ZNF521: variants seen among roughly 807,000 people sequenced by gnomAD.
ZNF521 encodes the protein zinc finger protein 521.
A neutral mutation model predicts 105.5 loss-of-function variants in ZNF521; 14 were observed. The observed-to-expected ratio is 0.13, with a 90% CI of 0.09 to 0.21. ZNF521 has a LOEUF of 0.21. Among genes scored for constraint, ZNF521 ranks in the 10% least tolerant of loss-of-function variants. ZNF521 has a pLI of 1.00. For synonymous variants in ZNF521, 635 were observed against 606.0 expected, an observed-to-expected ratio of 1.05 and a Z score of -0.70; for missense variants, 1,233 against 1,629.7, an observed-to-expected ratio of 0.76 and a Z score of 4.19.
intron 3 of ZNF521, among the ~76,000 whole-genome samples, chr18:25,280,547 C>T (rs911357294): frequency 5.7e-4 from 87 of 152,198 alleles, no homozygotes; most frequent in African/African-American, 2.0e-3. Context: ...GACACACACA[C>T]AAGTCAGACC....
intron 5 of ZNF521, among the ~76,000 whole-genome samples, chr18:25,119,514 A>G (rs1261509665): frequency 6.6e-6 from 1 of 152,170 alleles, no homozygotes; most frequent in Non-Finnish European, 1.5e-5. Context: ...TAACAATTAG[A>G]TATCTAGGAA....
At chr18:25,265,454 A>C (rs552158069) in intron 3 of ZNF521, among the ~76,000 whole-genome samples, 3 of 152,174 alleles carry the variant, frequency 2.0e-5, no homozygotes, top group Admixed American at 2.0e-4. Flanking sequence ...CTGATATCAG[A>C]ACCCTCTTAG....
intron 5 of ZNF521, among the ~76,000 whole-genome samples, chr18:25,130,889 G>A (rs1404729909): frequency 6.6e-6 from 1 of 152,058 alleles, no homozygotes; most frequent in East Asian, 1.9e-4. Flanking sequence ...GCTGAAGTGG[G>A]TTATGATCAC....
intron 4 of ZNF521, among the ~76,000 whole-genome samples, chr18:25,212,539 ATATATATATATAT>A (rs776346548): frequency 1.9e-4 from 9 of 47,910 alleles, no homozygotes. Flanking sequence ...AAAAAAAAAA[ATATATATATATAT>A]ATATATATAT....
chr18:25,331,600 C>T (rs186852145), intron 2 of ZNF521, among the ~76,000 whole-genome samples: 92 of 152,304 alleles, frequency 6.0e-4, no homozygotes, highest in African/African-American at 2.0e-3. Context: ...TTTGTATTAA[C>T]GATATCATAC....
At chr18:25,092,580 T>C (rs2033769170) in intron 5 of ZNF521, among the ~76,000 whole-genome samples, 1 of 152,214 alleles carries the variant, frequency 6.6e-6, no homozygotes, top group Admixed American at 6.5e-5. Context: ...TGAAGTATCA[T>C]TAATAGGACA....
chr18:25,308,262 G>T (rs1912092806), intron 3 of ZNF521, among the ~76,000 whole-genome samples: 1 of 148,656 alleles, frequency 6.7e-6, no homozygotes, highest in African/African-American at 2.5e-5. Flanking sequence ...GGTAACTGTA[G>T]CCCTGATTGA....
At chr18:25,307,340 T>C (rs1912038619) in intron 3 of ZNF521, among the ~76,000 whole-genome samples, 1 of 152,228 alleles carries the variant, frequency 6.6e-6, no homozygotes, top group Admixed American at 6.5e-5. Flanking sequence ...TTGAACATTC[T>C]TAAACCTCTA....
At chr18:25,254,571 T>C (rs1045727487) in intron 3 of ZNF521, among the ~76,000 whole-genome samples, 1 of 152,128 alleles carries the variant, frequency 6.6e-6, no homozygotes, top group African/African-American at 2.4e-5. Context: ...GGTAATTTAC[T>C]AGATCAAGGT....
At position 25,227,194 on chromosome 18, in the gene ZNF521, T is replaced by C. The variant is rs1021240858; in HGVS notation, c.724A>G (p.Met242Val). Residue 242 changes from methionine (M) to valine (V), a missense_variant, in exon 4 of 8, where the codon ATG (methionine) becomes GTG (valine). This residue lies in a region of ZNF521 where 380 missense variants were observed against 478.0 expected (regional missense o/e 0.80). Transcript: ENST00000361524. This position sits in a 1 kb window ranked among gnomAD's most constrained non-coding sequence, Gnocchi z 5.7. Reference protein sequence around the residue: ...QSGSRMEDWKMKDTQKCSQCE... With the variant: ...QSGSRMEDWKVKDTQKCSQCE... ...TGACTGCACTTCTGAGTGTCCTTCA[T>C]CTTCCAGTCCTCCATCCTGGAACCG... is the stretch of plus-strand genomic sequence containing the variant. The C allele has an allele frequency of 6.2e-7, 1 of 1,614,164 alleles. No individual in the cohort carries two copies. The highest frequency in any genetic ancestry group is 8.5e-7 in the Non-Finnish European group (1 of 1,180,024).
At chr18:25,142,563 G>A (rs772369513) in intron 5 of ZNF521, among the ~76,000 whole-genome samples, 4 of 152,018 alleles carry the variant, frequency 2.6e-5, no homozygotes, top group Non-Finnish European at 4.4e-5. Context: ...TGATGACAAG[G>A]AGAATAGTAC....
intron 5 of ZNF521, among the ~76,000 whole-genome samples, chr18:25,163,845 A>G (rs996482130): frequency 6.6e-6 from 1 of 152,194 alleles, no homozygotes. Flanking sequence ...CCCTCGCGAC[A>G]TATCAGAAGG....
chr18:25,347,579 T>C (rs1914518500), intron 2 of ZNF521, among the ~76,000 whole-genome samples: 2 of 152,174 alleles, frequency 1.3e-5, no homozygotes, highest in Non-Finnish European at 1.5e-5. Context: ...GTACCTACTC[T>C]CAGGAGATGG....
chr18:25,183,530 T>C (rs1386737997), intron 5 of ZNF521, among the ~76,000 whole-genome samples: 3 of 152,194 alleles, frequency 2.0e-5, no homozygotes, highest in Non-Finnish European at 2.9e-5. Context: ...AAATAAGCCA[T>C]GCTACAACTG....
chr18:25,204,162 C>T (rs1279337429), intron 4 of ZNF521, among the ~76,000 whole-genome samples: 2 of 152,224 alleles, frequency 1.3e-5, no homozygotes, highest in Non-Finnish European at 2.9e-5. Flanking sequence ...TTATAAATTA[C>T]CCAGTCTCAA....
In ZNF521 at chr18:25,245,269, T is replaced by C. The variant is rs1327184369; in HGVS notation, c.221-17572A>G. Among the ~76,000 whole-genome samples, 4 of 152,296 alleles carry C rather than the reference T, an allele frequency of 2.6e-5. No individual in the cohort carries two copies. The East Asian group carries it at 7.7e-4, about 29-fold the overall frequency. ...TCGTCCTTTTTATTAATAAACTATG[T>C]TTTAGGTTGGCTGTAGGTTCACAGC... On this transcript the variant is annotated intron_variant, in intron 3 of 7. Transcript: ENST00000361524.
intron 2 of ZNF521, among the ~76,000 whole-genome samples, chr18:25,350,258 C>CG (rs1271945031): frequency 2.0e-5 from 3 of 151,938 alleles, no homozygotes; most frequent in African/African-American, 4.8e-5. Context: ...GAAGTAGGGG[C>CG]GAGGGGCGGT....
intron 7 of ZNF521, among the ~76,000 whole-genome samples, chr18:25,072,722 GATTTC>G (rs1383888826): frequency 6.6e-6 from 1 of 152,200 alleles, no homozygotes; most frequent in Non-Finnish European, 1.5e-5. Context: ...AGAGTGTAAA[GATTTC>G]ACTCAAGATT....
chr18:25,063,250 C>T (rs1479178733), intron 7 of ZNF521, among the ~76,000 whole-genome samples: 1 of 152,202 alleles, frequency 6.6e-6, no homozygotes, highest in African/African-American at 2.4e-5. Flanking sequence ...AACATCTTGA[C>T]AACAGGGGCT....
Sources: allele counts gnomAD v4.1 joint callset (sites outside exome capture counted in the v4.1 genomes callset), GRCh38; gene constraint gnomAD v4.1.1; regional missense constraint gnomAD v4.1.1; non-coding constraint Gnocchi (gnomAD v3.1); transcripts MANE v1.5; gene names NCBI Gene and HGNC (gene_info 2026-07-23, HGNC 2026-07-21).